The following DENND1A variants were observed in gnomAD, a reference collection of about 807,000 sequenced individuals.
DENND1A encodes the protein DENN domain-containing protein 1A.
In DENND1A, 51 loss-of-function variants were observed where a neutral mutation model predicts 113.7. That is an observed-to-expected ratio of 0.45 (90% CI 0.36 to 0.57). The LOEUF (loss-of-function observed/expected upper bound fraction) is 0.57. Ranked by LOEUF, DENND1A falls within the 20% of genes least tolerant of loss-of-function variation. DENND1A has a pLI of 0.00. For synonymous variants in DENND1A, 565 were observed against 570.8 expected, an observed-to-expected ratio of 0.99 and a Z score of 0.14; for missense variants, 1,258 against 1,395.9, an observed-to-expected ratio of 0.90 and a Z score of 1.57.
At chr9:123,481,218 GC>G (rs1032972306) in intron 13 of DENND1A, among the ~76,000 whole-genome samples, 1 of 152,240 alleles carries the variant, frequency 6.6e-6, no homozygotes, top group Non-Finnish European at 1.5e-5. Flanking sequence ...ATCTGCAGAG[GC>G]CGACTCAGGA....
Position 123,879,030 on chromosome 9 carries a change from GAA to G in DENND1A, c.18-11_18-10del. ...TGGTCTCTGGATTCTGCCTACAAAA[GAA>G]ACAGATCATGATTACTGACAAAGAT... On this transcript the variant is annotated splice_polypyrimidine_tract_variant and intron_variant, in intron 1 of 23. Coordinates refer to ENST00000394215, the MANE Select transcript of DENND1A (RefSeq NM_001352964.2). The G allele has an allele frequency of 1.9e-6, 3 of 1,613,556 alleles. No individual in the cohort carries two copies. In the Admixed American group the frequency reaches 5.0e-5, roughly 27 times the overall value.
intron 5 of DENND1A, among the ~76,000 whole-genome samples, chr9:123,732,078 C>T (rs1200509998): frequency 3.9e-5 from 6 of 152,214 alleles, no homozygotes; most frequent in Non-Finnish European, 7.3e-5. Context: ...GGAACTCTGA[C>T]ACCTTGCTTG....
At chr9:123,925,021 A>T (rs1856860220) in intron 1 of DENND1A, among the ~76,000 whole-genome samples, 1 of 151,932 alleles carries the variant, frequency 6.6e-6, no homozygotes, top group Non-Finnish European at 1.5e-5. Flanking sequence ...CGCTCCCATC[A>T]TTTTCTCTGA....
intron 8 of DENND1A, among the ~76,000 whole-genome samples, chr9:123,653,228 C>T (rs1440127622): frequency 1.3e-5 from 2 of 152,114 alleles, no homozygotes; most frequent in African/African-American, 4.8e-5. Flanking sequence ...ACTGAAGTAC[C>T]AAGTTAACCA....
intron 2 of DENND1A, among the ~76,000 whole-genome samples, chr9:123,825,628 G>A (rs1203593860): frequency 6.6e-6 from 1 of 152,218 alleles, no homozygotes; most frequent in African/African-American, 2.4e-5. Context: ...GATGCATCAC[G>A]ATTTCAGACC....
intron 15 of DENND1A, 142 bp from the exon 16 acceptor site, chr9:123,454,921 C>T: frequency 1.4e-6 from 1 of 728,856 alleles, no homozygotes; most frequent in Non-Finnish European, 2.3e-6. Context: ...GATCTCAGCT[C>T]CTGGGTTCAA....
intron 10 of DENND1A, among the ~76,000 whole-genome samples, chr9:123,614,296 C>T (rs1370464030): frequency 6.6e-6 from 1 of 152,184 alleles, no homozygotes; most frequent in African/African-American, 2.4e-5. Flanking sequence ...GAAAAGAGCG[C>T]TGGGGTACCA....
chr9:123,455,299 C>A (rs997827707), intron 15 of DENND1A, among the ~76,000 whole-genome samples: 6 of 152,188 alleles, frequency 3.9e-5, no homozygotes, highest in Admixed American at 3.9e-4. Context: ...GGAGGTCAGG[C>A]TCCGAGGCAG....
At chr9:123,856,061 T>A (rs1221599161) in intron 2 of DENND1A, among the ~76,000 whole-genome samples, 1 of 151,842 alleles carries the variant, frequency 6.6e-6, no homozygotes, top group East Asian at 1.9e-4. Flanking sequence ...ACCAATTAAG[T>A]GGCAGTAATC....
chr9:123,582,083 A>G (rs1299726639), intron 12 of DENND1A, among the ~76,000 whole-genome samples: 2 of 152,198 alleles, frequency 1.3e-5, no homozygotes, highest in Non-Finnish European at 2.9e-5. Flanking sequence ...GAGGCAACAA[A>G]GTGCAATGCG....
At chr9:123,742,156 A>G (rs773523314) in intron 5 of DENND1A, among the ~76,000 whole-genome samples, 1 of 152,110 alleles carries the variant, frequency 6.6e-6, no homozygotes, top group Non-Finnish European at 1.5e-5. Flanking sequence ...GAAGTTGTCA[A>G]TTCCAATTGC....
At chr9:123,890,480 G>A (rs1044290296) in intron 1 of DENND1A, among the ~76,000 whole-genome samples, 9 of 152,070 alleles carry the variant, frequency 5.9e-5, no homozygotes, top group Non-Finnish European at 1.0e-4. Flanking sequence ...TAACCCTCCC[G>A]CCAAGCCTGT....
At chr9:123,867,964 C>A (rs1846015330) in intron 2 of DENND1A, among the ~76,000 whole-genome samples, 1 of 151,998 alleles carries the variant, frequency 6.6e-6, no homozygotes, top group South Asian at 2.1e-4. Flanking sequence ...AGAAATGAAC[C>A]CAACACAGAA....
intron 11 of DENND1A, among the ~76,000 whole-genome samples, chr9:123,585,979 C>T (rs1382691908): frequency 6.6e-6 from 1 of 152,128 alleles, no homozygotes; most frequent in Non-Finnish European, 1.5e-5. Context: ...CACAGCCAGT[C>T]TGGAAGGCTG....
At chr9:123,518,548 C>T (rs2054126726) in intron 13 of DENND1A, among the ~76,000 whole-genome samples, 1 of 152,188 alleles carries the variant, frequency 6.6e-6, no homozygotes, top group South Asian at 2.1e-4. Context: ...TGACCCAGGG[C>T]AGGCCACTCC....
At chr9:123,428,517 C>T (rs954128762) in intron 19 of DENND1A, among the ~76,000 whole-genome samples, 4 of 152,190 alleles carry the variant, frequency 2.6e-5, no homozygotes, top group African/African-American at 9.7e-5. Context: ...TCTCTCACCA[C>T]TCCTATTCAA....
intron 13 of DENND1A, among the ~76,000 whole-genome samples, chr9:123,472,317 T>C (rs541274857): frequency 3.9e-5 from 6 of 152,266 alleles, no homozygotes; most frequent in South Asian, 2.1e-4. Flanking sequence ...AAGTGCTCCC[T>C]AACTGGGAAG....
chr9:123,408,459 T>C (rs1285611463), intron 20 of DENND1A, among the ~76,000 whole-genome samples: 1 of 152,216 alleles, frequency 6.6e-6, no homozygotes, highest in East Asian at 1.9e-4. Context: ...ACAACCTCAT[T>C]ACCTTTACCA....
chr9:123,473,592 A>G (rs951424976), intron 13 of DENND1A, among the ~76,000 whole-genome samples: 9 of 152,118 alleles, frequency 5.9e-5, no homozygotes, highest in Non-Finnish European at 1.0e-4. Flanking sequence ...GATCATTTTC[A>G]TCTTGTAAAG....
Sources: gnomAD v4.1 joint callset for allele counts (sites outside exome capture counted in the v4.1 genomes callset) on GRCh38, gnomAD v4.1.1 for gene constraint, MANE v1.5 for transcripts, NCBI Gene and HGNC (gene_info 2026-07-23, HGNC 2026-07-21) for gene names.